The following ZNF600 variants were observed in gnomAD, a reference collection of about 807,000 sequenced individuals.
ZNF600 encodes zinc finger protein KR-ZNF1.
In ZNF600, 4 loss-of-function variants were observed where a neutral mutation model predicts 7.3. The observed-to-expected ratio is 0.55, with a 90% CI of 0.27 to 1.25. The LOEUF is 1.25. ZNF600 is among the 50% of genes most tolerant of loss of function. ZNF600 has a pLI of 0.12. For missense variants in ZNF600, 911 were observed against 922.1 expected, an observed-to-expected ratio of 0.99 and a Z score of 0.16; for synonymous variants, 290 against 308.9, an observed-to-expected ratio of 0.94 and a Z score of 0.64.
chr19:52,810,735 A>G, the ZNF600 span: 3 of 699,188 alleles, frequency 4.3e-6, 1 homozygote, highest in Admixed American at 6.8e-5. Context: ...GAGAGAGAGG[A>G]AAAAAAGAGG....
At chr19:52,806,578 T>G in the ZNF600 span, among the ~76,000 whole-genome samples, 1 of 127,006 alleles carries the variant, frequency 7.9e-6, no homozygotes, top group South Asian at 3.1e-4. Context: ...TGCCCAAATA[T>G]CTAAAGAACT....
the ZNF600 span, chr19:52,818,075 T>C: frequency 3.3e-6 from 5 of 1,519,110 alleles, no homozygotes; most frequent in Admixed American, 1.8e-5. Flanking sequence ...AATCAACACA[T>C]CCCCTCCCTG....
chr19:52,775,238 T>A (rs966024195), intron 2 of ZNF600, among the ~76,000 whole-genome samples: 1 of 145,140 alleles, frequency 6.9e-6, no homozygotes, highest in Admixed American at 7.0e-5. Flanking sequence ...ACACTCCATC[T>A]CAAAAAACAA....
intron 1 of ZNF600, among the ~76,000 whole-genome samples, chr19:52,784,637 T>C (rs2062749587): frequency 6.6e-6 from 1 of 152,202 alleles, no homozygotes; most frequent in African/African-American, 2.4e-5. Flanking sequence ...CTGTATAATT[T>C]AAACAAGGTA....
chr19:52,782,029 C>T (rs1257669583), intron 1 of ZNF600, among the ~76,000 whole-genome samples: 1 of 151,768 alleles, frequency 6.6e-6, no homozygotes, highest in African/African-American at 2.4e-5. Flanking sequence ...CCACTGCACT[C>T]CAGCCTGGGT....
chr19:52,821,220 C>A, the ZNF600 span, among the ~76,000 whole-genome samples: 2 of 152,086 alleles, frequency 1.3e-5, no homozygotes, highest in African/African-American at 4.8e-5. Context: ...GGGGTCGCCG[C>A]GCTGTGCTCC....
rs189354159 is a variant in ZNF600 at position 52,782,209 on chromosome 19, C to G, written c.-19-3302G>C. On this transcript the variant is annotated intron_variant, in intron 1 of 3. Transcript: ENST00000648973. Reference sequence around the variant, plus strand: ...TGCCACTGCACTCCAGCCTGGACAGCAGTAAGAGTGTCTCAAAAAAATAAA... The same window carrying G: ...TGCCACTGCACTCCAGCCTGGACAGGAGTAAGAGTGTCTCAAAAAAATAAA... Among the ~76,000 whole-genome samples the G allele has an allele frequency of 1.3e-5, 2 of 152,150 alleles. 1 individual carries two copies. Among genetic ancestry groups the G allele is most frequent in the East Asian group, 3.9e-4 (2 of 5,176 alleles).
chr19:52,811,705 C>A, the ZNF600 span, among the ~76,000 whole-genome samples: 4 of 149,140 alleles, frequency 2.7e-5, no homozygotes, highest in East Asian at 8.1e-4. Flanking sequence ...GCAACCACCC[C>A]GTCTGGGAAG....
the ZNF600 span, among the ~76,000 whole-genome samples, chr19:52,793,433 CCAGG>C: frequency 1.3e-5 from 2 of 152,068 alleles, no homozygotes; most frequent in Non-Finnish European, 2.9e-5. Context: ...CTAGAGAGTC[CCAGG>C]CAGAGGGACA....
chr19:52,817,836 C>G, the ZNF600 span: 1 of 1,577,650 alleles, frequency 6.3e-7, no homozygotes, highest in South Asian at 1.1e-5. Flanking sequence ...TGAGGGTGAG[C>G]AAACATATCA....
intron 3 of ZNF600, among the ~76,000 whole-genome samples, chr19:52,772,042 A>G (rs2062634088): frequency 6.6e-6 from 1 of 152,246 alleles, no homozygotes; most frequent in South Asian, 2.1e-4. Flanking sequence ...TAAAACTTAT[A>G]TGAAGCCATC....
chr19:52,821,913 TAAAAAAATAAAAAAATAATAAA>T, the ZNF600 span, among the ~76,000 whole-genome samples: 1 of 111,860 alleles, frequency 8.9e-6, no homozygotes, highest in Admixed American at 9.0e-5. Context: ...TAAAAAAAAA[TAAAAAAATAAAAAAATAATAAA>T]AAAAAAATTT....
At chr19:52,821,056 A>C in the ZNF600 span, among the ~76,000 whole-genome samples, 1 of 152,040 alleles carries the variant, frequency 6.6e-6, no homozygotes, top group African/African-American at 2.4e-5. Flanking sequence ...CACCTCTCCA[A>C]CGCGGGCTCA....
the ZNF600 span, chr19:52,810,755 GAA>G: frequency 2.1e-6 from 1 of 470,968 alleles, no homozygotes; most frequent in East Asian, 3.5e-5. Context: ...GAAAGAAGGG[GAA>G]AAAAAAAGAA....
Position 52,780,845 on chromosome 19 carries a change from A to T in ZNF600, c.-19-1938T>A, listed in dbSNP as rs2062714787. The T allele has an allele frequency of 6.6e-6, 1 of 152,256 alleles. No homozygotes were observed. The highest frequency in any genetic ancestry group is 2.4e-5 in the African/African-American group (1 of 41,472). 9.4% of individuals were successfully genotyped at this position (152,256 alleles called of 1,614,324 possible). On this transcript the variant is annotated intron_variant, in intron 1 of 3. An upstream open reading frame in the 5' UTR loses its in-frame stop. Transcript: ENST00000648973. ...ACAACACTTACAAATAAAGTAATTTATTTCACAAATTTAAAATACATGCTG... is the reference window on the plus strand; with the variant it reads ...ACAACACTTACAAATAAAGTAATTTTTTTCACAAATTTAAAATACATGCTG...
chr19:52,817,858 T>A, the ZNF600 span: 1 of 1,597,366 alleles, frequency 6.3e-7, no homozygotes. Context: ...GCAGGACACT[T>A]CAGACTCAGA....
the ZNF600 span, chr19:52,799,286 T>G: frequency 8.6e-6 from 3 of 348,378 alleles, no homozygotes; most frequent in Non-Finnish European, 1.1e-5. Flanking sequence ...TCTCTCCAGT[T>G]TGAATTCTAA....
intron 1 of ZNF600, among the ~76,000 whole-genome samples, chr19:52,779,172 G>T (rs988514898): frequency 1.3e-5 from 2 of 152,150 alleles, no homozygotes; most frequent in Non-Finnish European, 2.9e-5. Flanking sequence ...CTCCCCTTCA[G>T]GGCACAAACC....
the ZNF600 span, among the ~76,000 whole-genome samples, chr19:52,810,870 TCCCC>T: frequency 2.3e-4 from 1 of 4,398 alleles, no homozygotes; most frequent in Non-Finnish European, 3.7e-4. Flanking sequence ...CCCCTCCCCC[TCCCC>T]CTCCCCCTCC....
Sources: gnomAD v4.1 joint callset for allele counts (sites outside exome capture counted in the v4.1 genomes callset) on GRCh38, gnomAD v4.1.1 for gene constraint, MANE v1.5 for transcripts, NCBI Gene and HGNC (gene_info 2026-07-23, HGNC 2026-07-21) for gene names.